Variants in ASXL1 observed in about 807,000 individuals in gnomAD.
ASXL1 encodes the protein ASXL transcriptional regulator 1, also known as polycomb group protein ASXL1.
ASXL1 carries 65 observed loss-of-function variants against 89.1 expected under a neutral mutation model. The observed-to-expected ratio is 0.73, with a 90% CI of 0.60 to 0.90. ASXL1 has a LOEUF of 0.90. ASXL1 is among the 40% of genes least tolerant of loss of function. The pLI, the probability that ASXL1 is intolerant of heterozygous loss-of-function variation, is 0.00. For missense variants in ASXL1, 1,786 were observed against 1,942.9 expected (o/e 0.92, Z 1.52); for synonymous variants, 739 against 746.9 (o/e 0.99, Z 0.17).
In ASXL1 at chr20:32,359,395, T is replaced by G. The variant is rs774709962; in HGVS notation, c.57+563T>G. The G allele has an allele frequency of 9.8e-5, 69 of 702,274 alleles. 1 individual carries two copies. Among genetic ancestry groups the G allele is most frequent in the Middle Eastern group, 4.6e-4 (2 of 4,392 alleles). 43.5% of individuals were successfully genotyped at this position (702,274 alleles called of 1,614,324 possible). A position where few individuals can be genotyped will look rare whatever the true frequency, so the allele number is the denominator to read the frequency against. ...GAACCCTGAGCAGCGGTTCTCTAAC[T>G]TTAGTGTCCTGTGGGCGACACCTGG... On this transcript the variant is annotated intron_variant, in intron 1 of 12. Coordinates refer to ENST00000375687, the MANE Select transcript of ASXL1 (RefSeq NM_015338.6).
chr20:32,424,415 A>G (rs1336633361), intron 4 of ASXL1, among the ~76,000 whole-genome samples: 1 of 152,090 alleles, frequency 6.6e-6, no homozygotes, highest in Non-Finnish European at 1.5e-5. Context: ...GCCACCTGTA[A>G]TCCCAGCTGC....
At chr20:32,362,497 G>A (rs563168460) in intron 1 of ASXL1, among the ~76,000 whole-genome samples, 342 of 152,184 alleles carry the variant, frequency 2.2e-3, no homozygotes, top group African/African-American at 2.6e-3. Context: ...TTAGCCAGGC[G>A]TGGTGGCGAG....
intron 4 of ASXL1, among the ~76,000 whole-genome samples, chr20:32,410,900 G>C (rs1020055287): frequency 6.6e-6 from 1 of 151,810 alleles, no homozygotes; most frequent in African/African-American, 2.4e-5. Flanking sequence ...ACATGATGGC[G>C]CATGCCTGTA....
At chr20:32,358,881 G>T (rs1280248097) in intron 1 of ASXL1, 49 bp downstream of exon 1, 1 of 1,435,256 alleles carries the variant, frequency 7.0e-7, no homozygotes. Flanking sequence ...GGTGGGGGGG[G>T]CTCGCCGCGC....
chr20:32,394,169 A>C (rs1022679816), intron 4 of ASXL1, among the ~76,000 whole-genome samples: 2 of 151,810 alleles, frequency 1.3e-5, no homozygotes, highest in Non-Finnish European at 2.9e-5. Context: ...CACCCAGCTA[A>C]TGTTTTGTAT....
chr20:32,366,609 T>TTG (rs2048208964), intron 2 of ASXL1, 143 bp downstream of exon 2: 1 of 1,520,876 alleles, frequency 6.6e-7, no homozygotes, highest in Non-Finnish European at 8.9e-7. Context: ...ATTTCCCAAA[T>TTG]TGTGTGTCGT....
intron 1 of ASXL1, among the ~76,000 whole-genome samples, chr20:32,362,430 A>T (rs1483770105): frequency 5.8e-4 from 89 of 152,170 alleles, no homozygotes; most frequent in African/African-American, 2.0e-3. Context: ...AGGTCAGGAG[A>T]TCGAGACCAT....
intron 4 of ASXL1, among the ~76,000 whole-genome samples, chr20:32,410,218 C>G (rs1468313992): frequency 1.3e-5 from 2 of 152,084 alleles, no homozygotes; most frequent in Non-Finnish European, 2.9e-5. Context: ...CCAGTGGGTG[C>G]CTGAAATTAC....
At chr20:32,401,552 C>CTTT (rs777632008) in intron 4 of ASXL1, among the ~76,000 whole-genome samples, 41,396 of 120,160 alleles carry the variant, frequency 0.34, 8,151 homozygotes, top group Middle Eastern at 0.51. Context: ...GTGTTTTTTC[C>CTTT]CCCCCCCCCT....
At chr20:32,431,737 T>C (rs111846338) in intron 10 of ASXL1, 58 bp downstream of exon 10, 4 of 1,551,360 alleles carry the variant, frequency 2.6e-6, no homozygotes, top group Non-Finnish European at 3.5e-6. Context: ...TGGTGTTGCA[T>C]GTCTCCTGGT....
chr20:32,418,348 G>A (rs1438800661), intron 4 of ASXL1, among the ~76,000 whole-genome samples: 1 of 152,006 alleles, frequency 6.6e-6, no homozygotes, highest in East Asian at 1.9e-4. Flanking sequence ...ACTTTAGCCT[G>A]GGCCCGCACA....
intron 4 of ASXL1, among the ~76,000 whole-genome samples, chr20:32,377,133 AT>A (rs1172596738): frequency 1.3e-4 from 17 of 134,808 alleles, no homozygotes; most frequent in East Asian, 4.4e-4. Flanking sequence ...TTAATATAAT[AT>A]ATATTATATA....
rs143594454 is a variant in ASXL1 at position 32,435,107 on chromosome 20, G to T, written c.2395G>T (p.Asp799Tyr). ...GTCTGGCACCACTTCCTGGGAAAGT[G>T]ATGATGAGGAGCAAGGACCCACCGT... ...CESGTTSWES[D>Y]DEEQGPTVPA... The change falls in exon 13 of 13, where the codon GAT (aspartate) becomes TAT (tyrosine). Residue 799 changes from aspartate to tyrosine, a missense_variant. Coordinates refer to ENST00000375687, the MANE Select transcript of ASXL1 (RefSeq NM_015338.6). 1,597 of 1,613,990 alleles carry T rather than the reference G, an allele frequency of 9.9e-4. 9 individuals carry two copies. In the African/African-American group the frequency reaches 0.019, roughly 19 times the overall value.
At chr20:32,366,169 A>C (rs1396157650) in intron 1 of ASXL1, among the ~76,000 whole-genome samples, 2 of 152,190 alleles carry the variant, frequency 1.3e-5, no homozygotes, top group Admixed American at 1.3e-4. Context: ...GAAGATATGC[A>C]TCCTTAGAAT....
intron 3 of ASXL1, 93 bp from the exon 4 acceptor site, chr20:32,368,922 C>A: frequency 9.8e-7 from 1 of 1,024,272 alleles, no homozygotes; most frequent in Non-Finnish European, 1.5e-6. Context: ...TCTTGCTTAG[C>A]TTCTTCTCAT....
chr20:32,414,136 G>A (rs1227339761), intron 4 of ASXL1, among the ~76,000 whole-genome samples: 1 of 152,144 alleles, frequency 6.6e-6, no homozygotes, highest in African/African-American at 2.4e-5. Flanking sequence ...TCATGATAAT[G>A]CTGTGGAATG....
At chr20:32,380,259 G>A (rs987435153) in intron 4 of ASXL1, among the ~76,000 whole-genome samples, 8 of 152,004 alleles carry the variant, frequency 5.3e-5, no homozygotes, top group African/African-American at 1.9e-4. Context: ...TAGCCTGGGC[G>A]ACAAGAAGGA....
At chr20:32,416,188 T>C (rs1019052199) in intron 4 of ASXL1, among the ~76,000 whole-genome samples, 2 of 152,236 alleles carry the variant, frequency 1.3e-5, no homozygotes, top group African/African-American at 4.8e-5. Context: ...AATTCTTCTT[T>C]TCTAGTTATT....
rs59213941 is a variant in ASXL1, at chr20:32,381,513, C to CTTTTTTTT, written c.252+12402_252+12409dup. Among the ~76,000 whole-genome samples, 4 of 131,410 alleles carry CTTTTTTTT rather than the reference C, an allele frequency of 3.0e-5. 1 individual carries two copies. The highest frequency in any genetic ancestry group is 1.2e-4 in the African/African-American group (4 of 34,420). The allele number at this position is 131,410 out of a possible 152,430, so 86.2% of individuals were successfully genotyped here. On this transcript the variant is annotated intron_variant, in intron 4 of 12. Coordinates refer to ENST00000375687, the MANE Select transcript of ASXL1 (RefSeq NM_015338.6). ...CACTGGTCCAGCCTCTTACCAAAAT[C>CTTTTTTTT]TTTTTTTTTTTTTTTTTTTGAGACG...
Sources: allele counts gnomAD v4.1 joint callset (sites outside exome capture counted in the v4.1 genomes callset), GRCh38; gene constraint gnomAD v4.1.1; transcripts MANE v1.5; gene names NCBI Gene and HGNC (gene_info 2026-07-23, HGNC 2026-07-21).